The following KIF13B variants were observed in gnomAD, a reference collection of about 807,000 sequenced individuals.
KIF13B encodes kinesin family member 13B.
KIF13B carries 127 observed loss-of-function variants against 222.0 expected under a neutral mutation model. The ratio of observed to expected loss-of-function variants is 0.57; its 90% confidence interval spans 0.50 to 0.66. The LOEUF is 0.66. Ranked by LOEUF, KIF13B falls within the 30% of genes least tolerant of loss-of-function variation. The pLI is 0.00. For missense variants in KIF13B, 2,173 were observed against 2,379.0 expected (o/e 0.91, Z 1.80); for synonymous variants, 976 against 919.0 (o/e 1.06, Z -1.12).
At chr8:29,132,228 A>T in intron 23 of KIF13B, 80 bp downstream of exon 23, 1 of 1,091,792 alleles carries the variant, frequency 9.2e-7, no homozygotes, top group Non-Finnish European at 1.2e-6. Context: ...CCTGGGTGAC[A>T]GAGTGAATGA....
At chr8:29,078,902 G>A (rs185006831) in intron 37 of KIF13B, among the ~76,000 whole-genome samples, 4 of 152,228 alleles carry the variant, frequency 2.6e-5, no homozygotes, top group Admixed American at 6.5e-5. Context: ...GCAACAGAAC[G>A]GCTTAGAAAT....
At chr8:29,221,004 C>T (rs779943559) in intron 2 of KIF13B, among the ~76,000 whole-genome samples, 2 of 150,790 alleles carry the variant, frequency 1.3e-5, no homozygotes, top group South Asian at 2.1e-4. Context: ...TAACTGGGTG[C>T]GGTGGCATGC....
At chr8:29,242,108 G>A (rs934305947) in intron 2 of KIF13B, among the ~76,000 whole-genome samples, 3 of 152,088 alleles carry the variant, frequency 2.0e-5, no homozygotes, top group African/African-American at 4.8e-5. Context: ...TAACTTTTTA[G>A]CCAGAGTTAG....
At chr8:29,250,125 T>C (rs1816216466) in intron 1 of KIF13B, 2 of 1,056,336 alleles carry the variant, frequency 1.9e-6, no homozygotes, top group South Asian at 1.3e-5. Flanking sequence ...TCCGGAAATC[T>C]ACTGTGACTC....
intron 2 of KIF13B, among the ~76,000 whole-genome samples, chr8:29,212,324 G>A (rs1814265982): frequency 6.6e-6 from 1 of 152,158 alleles, no homozygotes; most frequent in South Asian, 2.1e-4. Flanking sequence ...AGCAAGACAT[G>A]AGAGTCACGG....
intron 31 of KIF13B, 94 bp downstream of exon 31, chr8:29,116,737 G>T: frequency 8.6e-7 from 1 of 1,167,772 alleles, no homozygotes; most frequent in Non-Finnish European, 1.2e-6. Context: ...GCTTCCGGGA[G>T]CCTGTTTGGA....
Position 29,220,753 on chromosome 8 carries a change from G to A in KIF13B, c.150-24554C>T, listed in dbSNP as rs80314358. Among the ~76,000 whole-genome samples, 125 of 152,154 alleles carry A rather than the reference G, an allele frequency of 8.2e-4. 1 individual carries two copies. Among genetic ancestry groups the A allele is most frequent in the African/African-American group, 2.7e-3 (114 of 41,508 alleles). ...AAAAGAGCGCAGGAAGGAGAAACAC[G>A]GGGTCTCATAATGTTGGTAAGAAAA... On this transcript the variant is annotated intron_variant, in intron 2 of 39. Transcript: ENST00000524189.
At chr8:29,117,995 T>C (rs756412818) in intron 30 of KIF13B, among the ~76,000 whole-genome samples, 1 of 151,648 alleles carries the variant, frequency 6.6e-6, no homozygotes, top group Non-Finnish European at 1.5e-5. Context: ...CCATCTCTAC[T>C]AAAAATACAA....
At position 29,148,665 on chromosome 8, in the gene KIF13B, T is replaced by A; in HGVS notation, c.1725A>T (p.Gly575=). The change falls in exon 16 of 40, where the codon GGA becomes GGT. Residue 575 remains glycine, a synonymous_variant. Transcript: ENST00000524189. The part of the protein sequence containing the change: ...ENSSEQLDVD[G]DSSSEVSSEV... Reference sequence around the variant, plus strand: ...CACTGGACACCTCGCTGGAGGAGTCTCCGTCTACATCCAGCTGCTCAGAAC... The same window carrying A: ...CACTGGACACCTCGCTGGAGGAGTCACCGTCTACATCCAGCTGCTCAGAAC... 5 of 1,612,894 alleles carry A rather than the reference T, an allele frequency of 3.1e-6. No individual in the cohort carries two copies. The highest frequency in any genetic ancestry group is 4.2e-6 in the Non-Finnish European group (5 of 1,179,300).
rs761814711 is a variant in KIF13B at position 29,108,136 on chromosome 8, T to C, written c.4215+3A>G. ...CACTGATAGAAATAGTTAAAACACC[T>C]ACCTTGTTGCTGCCTAGACTGTATG... On this transcript the variant is annotated splice_donor_region_variant and intron_variant, in intron 35 of 39. Transcript: ENST00000524189. The C allele has an allele frequency of 4.4e-6, 7 of 1,608,632 alleles. No homozygotes were observed. The highest frequency in any genetic ancestry group is 5.9e-6 in the Non-Finnish European group (7 of 1,176,824).
intron 2 of KIF13B, among the ~76,000 whole-genome samples, chr8:29,207,914 C>T (rs941168056): frequency 2.0e-5 from 3 of 152,274 alleles, no homozygotes; most frequent in East Asian, 3.9e-4. Flanking sequence ...GAGGAAAGCA[C>T]GGCAGACAGT....
At chr8:29,086,533 A>T (rs1228838807) in intron 37 of KIF13B, among the ~76,000 whole-genome samples, 2 of 152,230 alleles carry the variant, frequency 1.3e-5, no homozygotes, top group African/African-American at 4.8e-5. Context: ...TAATAAAATA[A>T]AATAAAAAAG....
Position 29,117,124 on chromosome 8 carries a change from C to G in KIF13B, c.3661-117G>C, listed in dbSNP as rs12678920. On this transcript the variant is annotated intron_variant, in intron 30 of 39. Transcript: ENST00000524189. ...GCACATGCCAGTCACCAGCAAAGTT[C>G]TACTATGACAGCTGCCCTGAAAAGA... 3.8e-6 allele frequency: 3 copies of G among 794,726 alleles called. No individual in the cohort carries two copies. In the African/African-American group the frequency reaches 5.2e-5, roughly 14 times the overall value. The allele number at this position is 794,726 out of a possible 1,614,324, so 49.2% of individuals were successfully genotyped here.
At chr8:29,162,183 A>AC (rs1488543303) in intron 12 of KIF13B, among the ~76,000 whole-genome samples, 14 of 152,136 alleles carry the variant, frequency 9.2e-5, no homozygotes, top group African/African-American at 2.9e-4. Flanking sequence ...TGAGTCAATC[A>AC]CCCAAGACCT....
intron 38 of KIF13B, among the ~76,000 whole-genome samples, chr8:29,073,138 G>T (rs74518170): frequency 0.035 from 3,395 of 96,480 alleles, 323 homozygotes; most frequent in Non-Finnish European, 0.049. Flanking sequence ...CGAGGAGGGG[G>T]ACGAGGAGGG....
intron 24 of KIF13B, among the ~76,000 whole-genome samples, chr8:29,128,543 A>T (rs1010359923): frequency 6.6e-6 from 1 of 152,220 alleles, no homozygotes; most frequent in Non-Finnish European, 1.5e-5. Flanking sequence ...ATATTTTAAT[A>T]GCCTAAACAG....
At chr8:29,231,780 G>C (rs1815296330) in intron 2 of KIF13B, among the ~76,000 whole-genome samples, 2 of 151,094 alleles carry the variant, frequency 1.3e-5, no homozygotes, top group Non-Finnish European at 2.9e-5. Context: ...AAAGGAAAAA[G>C]GCTTGCTTTA....
chr8:29,133,811 G>C (rs2129857111), intron 22 of KIF13B, among the ~76,000 whole-genome samples: 1 of 152,254 alleles, frequency 6.6e-6, no homozygotes, highest in South Asian at 2.1e-4. Flanking sequence ...TTTCTTTGGA[G>C]AAGAATATGC....
At chr8:29,249,995 C>G (rs28451488) in intron 1 of KIF13B, 2 of 1,284,440 alleles carry the variant, frequency 1.6e-6, no homozygotes. Context: ...CTCTTCACTT[C>G]CTCAGGCCCA....
Sources: allele counts gnomAD v4.1 joint callset (sites outside exome capture counted in the v4.1 genomes callset), GRCh38; gene constraint gnomAD v4.1.1; transcripts MANE v1.5; gene names NCBI Gene and HGNC (gene_info 2026-07-23, HGNC 2026-07-21).